Variants in PARD3B observed in about 807,000 individuals in gnomAD.
PARD3B encodes the protein par-3 family cell polarity regulator beta.
A neutral mutation model predicts 130.2 loss-of-function variants in PARD3B; 103 were observed. That is an observed-to-expected ratio of 0.79 (90% confidence interval 0.67 to 0.93). The LOEUF is 0.93. Ranked by LOEUF, PARD3B falls within the 40% of genes least tolerant of loss-of-function variation. The pLI is 0.00. For missense variants in PARD3B, 1,609 were observed against 1,499.2 expected, an observed-to-expected ratio of 1.07 and a Z score of -1.21; for synonymous variants, 583 against 553.2, an observed-to-expected ratio of 1.05 and a Z score of -0.76.
intron 1 of PARD3B, among the ~76,000 whole-genome samples, chr2:204,646,322 C>T (rs556009494): frequency 3.7e-4 from 56 of 151,934 alleles, no homozygotes; most frequent in Non-Finnish European, 6.2e-4. Flanking sequence ...CTTTTCTTTC[C>T]TACCTAATGT....
chr2:205,158,332 A>T lies in PARD3B; in HGVS notation c.1435-390A>T, dbSNP rs537785554. ...CTGTTCCTTCATCTGTAAAGTGAAG[A>T]TGTTAAGACTCCATTATCTCTAAGA... On this transcript the variant is annotated intron_variant, in intron 10 of 22. Transcript: ENST00000406610. The surrounding 1 kb of genome is among the most constrained non-coding windows in gnomAD (Gnocchi z 5.4). 6.6e-6 allele frequency among the ~76,000 whole-genome samples: 1 copy of T among 152,190 alleles called. No individual in the cohort carries two copies. Among genetic ancestry groups the T allele is most frequent in the Non-Finnish European group, 1.5e-5 (1 of 68,048 alleles).
chr2:205,538,982 G>A (rs1446917113), intron 21 of PARD3B, among the ~76,000 whole-genome samples: 1 of 152,136 alleles, frequency 6.6e-6, no homozygotes, highest in Non-Finnish European at 1.5e-5. Context: ...AGAGAAATGA[G>A]GCTCAAAAGT....
chr2:205,281,169 A>G lies in PARD3B; in HGVS notation c.2186-19361A>G, dbSNP rs1036939609. Among the ~76,000 whole-genome samples, 5 of 152,168 alleles carry G rather than the reference A, an allele frequency of 3.3e-5. No individual in the cohort carries two copies. The highest frequency in any genetic ancestry group is 1.2e-4 in the African/African-American group (5 of 41,442). On this transcript the variant is annotated intron_variant, in intron 16 of 22. Coordinates refer to ENST00000406610, the MANE Select transcript of PARD3B (RefSeq NM_001302769.2). This position sits in a 1 kb window ranked among gnomAD's most constrained non-coding sequence, Gnocchi z 4.2. ...CATAAAATGAAGCCGTAAACATTTC[A>G]AGGGTATAAGATTCCATGACTGTGA...
chr2:205,140,804 T>C (rs2032888064), intron 10 of PARD3B, among the ~76,000 whole-genome samples: 1 of 152,212 alleles, frequency 6.6e-6, no homozygotes, highest in South Asian at 2.1e-4. Flanking sequence ...ATTCTTTGGT[T>C]ATATCTCTCA....
At chr2:205,391,036 G>A (rs1364150065) in intron 18 of PARD3B, among the ~76,000 whole-genome samples, 3 of 152,166 alleles carry the variant, frequency 2.0e-5, no homozygotes, top group Non-Finnish European at 2.9e-5. Flanking sequence ...TTCCTGTGGG[G>A]ACCATTTCCT....
At chr2:204,674,904 A>C (rs191113926) in intron 1 of PARD3B, among the ~76,000 whole-genome samples, 1 of 152,224 alleles carries the variant, frequency 6.6e-6, no homozygotes, top group Non-Finnish European at 1.5e-5. Context: ...GTAAACTGTG[A>C]GTTGTACAAA....
chr2:204,893,929 G>T (rs1575234051), intron 2 of PARD3B, among the ~76,000 whole-genome samples: 1 of 151,948 alleles, frequency 6.6e-6, no homozygotes, highest in Non-Finnish European at 1.5e-5. Context: ...AAATGAATGA[G>T]AAATTAATTA....
intron 2 of PARD3B, among the ~76,000 whole-genome samples, chr2:204,939,012 G>A (rs1688683389): frequency 6.6e-6 from 1 of 152,136 alleles, no homozygotes; most frequent in African/African-American, 2.4e-5. Flanking sequence ...TGGCTGGATG[G>A]CATCAAATGT....
At chr2:205,087,773 A>G (rs1701830457) in intron 4 of PARD3B, among the ~76,000 whole-genome samples, 1 of 152,216 alleles carries the variant, frequency 6.6e-6, no homozygotes, top group African/African-American at 2.4e-5. Context: ...TTCAAATGGC[A>G]AAATTATATC....
At chr2:205,570,747 G>A (rs769696678) in intron 22 of PARD3B, among the ~76,000 whole-genome samples, 102 of 152,244 alleles carry the variant, frequency 6.7e-4, no homozygotes, top group African/African-American at 2.3e-3. Flanking sequence ...GTGTTCACCC[G>A]TGCTACCTAA....
intron 8 of PARD3B, among the ~76,000 whole-genome samples, chr2:205,123,769 G>C (rs1230782573): frequency 6.6e-6 from 1 of 151,904 alleles, no homozygotes; most frequent in Admixed American, 6.6e-5. Flanking sequence ...TGGAAGTAAG[G>C]ATCCTTCAGG....
intron 1 of PARD3B, among the ~76,000 whole-genome samples, chr2:204,614,859 T>C (rs1282811084): frequency 6.6e-6 from 1 of 152,242 alleles, no homozygotes; most frequent in South Asian, 2.1e-4. Context: ...GCTTGTGTTA[T>C]GCTTCCTCTA....
At chr2:204,604,706 T>G (rs1482951446) in intron 1 of PARD3B, among the ~76,000 whole-genome samples, 1 of 152,196 alleles carries the variant, frequency 6.6e-6, no homozygotes, top group East Asian at 1.9e-4. Flanking sequence ...CTGAGTGATT[T>G]TGATATAGTA....
intron 3 of PARD3B, among the ~76,000 whole-genome samples, chr2:204,989,972 T>G (rs1453960858): frequency 1.3e-5 from 2 of 152,136 alleles, no homozygotes; most frequent in Non-Finnish European, 2.9e-5. Flanking sequence ...TAGAATATAT[T>G]ACTTTTGAAA....
chr2:205,507,969 A>G (rs979224352), intron 21 of PARD3B, among the ~76,000 whole-genome samples: 12 of 152,352 alleles, frequency 7.9e-5, no homozygotes, highest in African/African-American at 2.2e-4. Context: ...GAATTTATTT[A>G]TATAGGCAAA....
At chr2:205,538,440 C>T (rs894884908) in intron 21 of PARD3B, among the ~76,000 whole-genome samples, 1 of 151,316 alleles carries the variant, frequency 6.6e-6, no homozygotes, top group Non-Finnish European at 1.5e-5. Context: ...GGCATTGTTT[C>T]TGTAAACAAC....
chr2:204,668,679 T>TA (rs1158305247), intron 1 of PARD3B, among the ~76,000 whole-genome samples: 1 of 152,200 alleles, frequency 6.6e-6, no homozygotes, highest in Non-Finnish European at 1.5e-5. Context: ...ACCTTTTTCA[T>TA]AAAAAAGACA....
intron 1 of PARD3B, among the ~76,000 whole-genome samples, chr2:204,660,730 A>AT (rs1273478314): frequency 6.6e-6 from 1 of 152,048 alleles, no homozygotes; most frequent in African/African-American, 2.4e-5. Flanking sequence ...CTGTGAAATT[A>AT]TTTTTTTGTT....
In PARD3B at chr2:205,244,191, A is replaced by G. The variant is rs2125917440; in HGVS notation, c.2141-1587A>G. 6.6e-6 allele frequency among the ~76,000 whole-genome samples: 1 copy of G among 152,334 alleles called. No homozygotes were observed. The highest frequency in any genetic ancestry group is 2.1e-4 in the South Asian group (1 of 4,830). On this transcript the variant is annotated intron_variant, in intron 15 of 22. Transcript: ENST00000406610. This position sits in a 1 kb window ranked among gnomAD's most constrained non-coding sequence, Gnocchi z 4.7. ...CTAGGTGGGAGTGGGAAGATTATGT[A>G]TAGTAACTGGGTCAATTAAGACTGA...
Sources: allele counts gnomAD v4.1 joint callset (sites outside exome capture counted in the v4.1 genomes callset), GRCh38; gene constraint gnomAD v4.1.1; non-coding constraint Gnocchi (gnomAD v3.1); transcripts MANE v1.5; gene names NCBI Gene and HGNC (gene_info 2026-07-23, HGNC 2026-07-21).